The following RPS6KA5 variants were observed in gnomAD, a reference collection of about 807,000 sequenced individuals.
RPS6KA5 encodes ribosomal protein S6 kinase alpha-5.
A neutral mutation model predicts 85.5 loss-of-function variants in RPS6KA5; 27 were observed. The ratio of observed to expected loss-of-function variants is 0.32; its 90% CI spans 0.23 to 0.44. RPS6KA5 has a LOEUF of 0.44. Among genes scored for constraint, RPS6KA5 ranks in the 20% least tolerant of loss-of-function variants. The pLI, the probability that RPS6KA5 is intolerant of heterozygous loss-of-function variation, is 1.00. For missense variants in RPS6KA5, 811 were observed against 980.9 expected (o/e 0.83, Z 2.31); for synonymous variants, 334 against 348.2 (o/e 0.96, Z 0.46).
At chr14:91,033,953 T>C (rs2042295231) in intron 1 of RPS6KA5, among the ~76,000 whole-genome samples, 1 of 152,196 alleles carries the variant, frequency 6.6e-6, no homozygotes, top group African/African-American at 2.4e-5. Context: ...ACAATACACC[T>C]AACACACAAC....
intron 1 of RPS6KA5, among the ~76,000 whole-genome samples, chr14:91,026,838 G>A (rs2042007787): frequency 6.6e-6 from 1 of 152,110 alleles, no homozygotes; most frequent in Non-Finnish European, 1.5e-5. Flanking sequence ...GGTGTGAGAT[G>A]GCATCTGTGG....
At chr14:90,875,156 A>G in intron 15 of RPS6KA5, 45 bp downstream of exon 15, 1 of 1,544,368 alleles carries the variant, frequency 6.5e-7, no homozygotes, top group African/African-American at 1.4e-5. Context: ...TTCTACTTCA[A>G]TCACTACACA....
chr14:91,022,809 G>A (rs528054987), intron 1 of RPS6KA5, among the ~76,000 whole-genome samples: 6 of 152,078 alleles, frequency 3.9e-5, no homozygotes, highest in East Asian at 1.9e-4. Context: ...ACTACTGTCC[G>A]GGCGTGGTTG....
At chr14:90,878,465 A>C (rs1299009) in intron 14 of RPS6KA5, among the ~76,000 whole-genome samples, 2,954 of 152,252 alleles carry the variant, frequency 0.019, 105 homozygotes, top group African/African-American at 0.068. Context: ...AATAGAATGT[A>C]GTTTCCCCAG....
chr14:91,044,036 G>A (rs1241540829), intron 1 of RPS6KA5, among the ~76,000 whole-genome samples: 3 of 152,026 alleles, frequency 2.0e-5, no homozygotes, highest in Non-Finnish European at 4.4e-5. Flanking sequence ...AGATCAGCCT[G>A]GCCAATATGG....
At chr14:90,988,292 T>C (rs58641091) in intron 2 of RPS6KA5, among the ~76,000 whole-genome samples, 2,305 of 152,370 alleles carry the variant, frequency 0.015, 52 homozygotes, top group African/African-American at 0.053. Context: ...AGCTGAAAGC[T>C]TGGTAATGTA....
chr14:91,054,708 T>C (rs1209140296), intron 1 of RPS6KA5, among the ~76,000 whole-genome samples: 1 of 151,748 alleles, frequency 6.6e-6, no homozygotes, highest in Non-Finnish European at 1.5e-5. Context: ...CCCAACACTT[T>C]GGGAGGCCGA....
In RPS6KA5 at chr14:90,890,608, T is replaced by G. The variant is rs1194938398; in HGVS notation, c.1715A>C (p.Lys572Thr). The G allele has an allele frequency of 6.2e-7, 1 of 1,614,012 alleles. No individual in the cohort carries two copies. The highest frequency in any genetic ancestry group is 2.2e-5 in the East Asian group (1 of 44,896). Reference sequence around the variant, plus strand: ...CTTCAGGGGCTGATTATCCGGTGGCTTTAGCCGTGCAAATCCAAAATCAAT... The same window carrying G: ...CTTCAGGGGCTGATTATCCGGTGGCGTTAGCCGTGCAAATCCAAAATCAAT... The part of the protein sequence containing the change: ...KIIDFGFARL[K>T]PPDNQPLKTP... Residue 572 changes from lysine to threonine, a missense_variant, in exon 14 of 17, where the codon AAG (lysine) becomes ACG (threonine). Physicochemically the swap from Lys to Thr is moderately conservative, Grantham distance 78. This residue lies in a region of RPS6KA5 where 650 missense variants were observed against 793.4 expected (regional missense o/e 0.82). Transcript: ENST00000614987.
At chr14:90,917,481 T>C (rs1405264604) in intron 7 of RPS6KA5, among the ~76,000 whole-genome samples, 1 of 152,218 alleles carries the variant, frequency 6.6e-6, no homozygotes, top group Non-Finnish European at 1.5e-5. Context: ...TATACACCTG[T>C]GAAACCATTG....
At chr14:90,894,103 T>C in intron 13 of RPS6KA5, 2 of 1,000,098 alleles carry the variant, frequency 2.0e-6, no homozygotes, top group Non-Finnish European at 2.4e-6. Flanking sequence ...GATATTATTT[T>C]CTGCTATAAA....
chr14:90,875,176 A>G, intron 15 of RPS6KA5, 25 bp downstream of exon 15: 1 of 1,600,462 alleles, frequency 6.2e-7, no homozygotes, highest in South Asian at 1.1e-5. Context: ...ATCATATAAA[A>G]TGTAAAATTT....
chr14:90,960,792 T>G (rs1255344927), intron 3 of RPS6KA5, among the ~76,000 whole-genome samples: 4 of 152,244 alleles, frequency 2.6e-5, no homozygotes, highest in Non-Finnish European at 5.9e-5. Flanking sequence ...CAAAAAATTG[T>G]AAGCTTGAGC....
chr14:91,053,324 G>C (rs2043171901), intron 1 of RPS6KA5, among the ~76,000 whole-genome samples: 1 of 152,240 alleles, frequency 6.6e-6, no homozygotes, highest in Non-Finnish European at 1.5e-5. Context: ...GCTCTTGCAA[G>C]TTCTATTGAA....
At chr14:90,880,630 A>G (rs940199824) in intron 14 of RPS6KA5, among the ~76,000 whole-genome samples, 1 of 152,092 alleles carries the variant, frequency 6.6e-6, no homozygotes, top group Non-Finnish European at 1.5e-5. Flanking sequence ...TGTTTTATCC[A>G]TTATTGAGAG....
intron 1 of RPS6KA5, among the ~76,000 whole-genome samples, chr14:91,021,601 C>G (rs2041785429): frequency 3.3e-5 from 5 of 152,138 alleles, no homozygotes; most frequent in Admixed American, 3.3e-4. Context: ...TTAGTAGAGA[C>G]AGGGATTCAT....
At chr14:91,056,174 C>T (rs1198426243) in intron 1 of RPS6KA5, among the ~76,000 whole-genome samples, 2 of 152,218 alleles carry the variant, frequency 1.3e-5, no homozygotes, top group African/African-American at 4.8e-5. Flanking sequence ...AATACATAAA[C>T]TTCCTCGACC....
At position 91,060,336 on chromosome 14, in the gene RPS6KA5, C is replaced by A. The variant is rs754930685; in HGVS notation, c.99G>T (p.Arg33=). The A allele has an allele frequency of 1.4e-6, 2 of 1,398,648 alleles. No homozygotes were observed. Among genetic ancestry groups the A allele is most frequent in the Admixed American group, 2.5e-5 (1 of 40,276 alleles). The allele number at this position is 1,398,648 out of a possible 1,614,324, so 86.6% of individuals were successfully genotyped here. ...EQLLTVKHEL[R]TANLTGHAEK... is the part of the protein sequence containing the mutation. ...GCAGAGGGCGGGGTCGCTCACCAGT[C>A]CGCAGCTCGTGCTTGACAGTGAGGA... The change falls in exon 1 of 17, where the codon CGG becomes CGT. Residue 33 remains arginine (R), a synonymous_variant. Coordinates refer to ENST00000614987, the MANE Select transcript of RPS6KA5 (RefSeq NM_004755.4).
intron 3 of RPS6KA5, among the ~76,000 whole-genome samples, chr14:90,973,149 TG>T (rs1319739025): frequency 6.6e-6 from 1 of 152,136 alleles, no homozygotes; most frequent in Non-Finnish European, 1.5e-5. Context: ...AAATTAGAGA[TG>T]GCAAAAAAGG....
At chr14:90,881,866 G>A (rs1038388865) in intron 14 of RPS6KA5, among the ~76,000 whole-genome samples, 1 of 152,126 alleles carries the variant, frequency 6.6e-6, no homozygotes, top group African/African-American at 2.4e-5. Flanking sequence ...CAATCTATTT[G>A]TGTCTTTGGA....
Sources: gnomAD v4.1 joint callset for allele counts (sites outside exome capture counted in the v4.1 genomes callset) on GRCh38, gnomAD v4.1.1 for gene constraint, gnomAD v4.1.1 regional missense constraint, MANE v1.5 for transcripts, NCBI Gene and HGNC (gene_info 2026-07-23, HGNC 2026-07-21) for gene names.